Variants in USP6NL observed in about 807,000 individuals in gnomAD.
USP6NL encodes USP6 N-terminal-like protein.
A neutral mutation model predicts 61.9 loss-of-function variants in USP6NL; 26 were observed. That is an observed-to-expected ratio of 0.42 (90% confidence interval 0.31 to 0.58). The LOEUF (loss-of-function observed/expected upper bound fraction) is 0.58. USP6NL is among the 20% of genes least tolerant of loss of function. USP6NL has a pLI of 0.16. For missense variants in USP6NL, 1,114 were observed against 1,034.3 expected (o/e 1.08, Z -1.06); for synonymous variants, 432 against 390.1 (o/e 1.11, Z -1.27).
intron 2 of USP6NL, among the ~76,000 whole-genome samples, chr10:11,559,435 G>A (rs918579523): frequency 6.6e-6 from 1 of 152,024 alleles, no homozygotes; most frequent in East Asian, 1.9e-4. Context: ...GATTCAACAC[G>A]CAAAATTTAC....
At chr10:11,535,820 A>C (rs1591900795) in intron 2 of USP6NL, among the ~76,000 whole-genome samples, 1 of 152,236 alleles carries the variant, frequency 6.6e-6, no homozygotes, top group Non-Finnish European at 1.5e-5. Flanking sequence ...TTATTTTTAA[A>C]TGTTGAAATC....
chr10:11,521,540 C>G (rs999059074), intron 4 of USP6NL, among the ~76,000 whole-genome samples: 1 of 151,798 alleles, frequency 6.6e-6, no homozygotes, highest in African/African-American at 2.4e-5. Context: ...GCCACCACGC[C>G]TGGCTAATTT....
chr10:11,498,772 T>C (rs114569443), intron 7 of USP6NL, among the ~76,000 whole-genome samples: 5 of 152,278 alleles, frequency 3.3e-5, no homozygotes, highest in African/African-American at 9.6e-5. Context: ...CAGCAATCTT[T>C]TTCCTTCCTG....
chr10:11,522,674 T>C (rs1371341225), intron 4 of USP6NL, among the ~76,000 whole-genome samples: 1 of 152,228 alleles, frequency 6.6e-6, no homozygotes, highest in Non-Finnish European at 1.5e-5. Flanking sequence ...CAATCTACTT[T>C]ATTTTTTAAA....
chr10:11,480,514 G>A (rs1423294121), intron 14 of USP6NL, among the ~76,000 whole-genome samples: 1 of 152,174 alleles, frequency 6.6e-6, no homozygotes, highest in Non-Finnish European at 1.5e-5. Flanking sequence ...GAACAGGAGA[G>A]GGCTGACCTC....
chr10:11,608,113 GAAAATGGAACC>G (rs1838766758), intron 1 of USP6NL, among the ~76,000 whole-genome samples: 1 of 152,190 alleles, frequency 6.6e-6, no homozygotes, highest in South Asian at 2.1e-4. Context: ...TCTTCAAAGA[GAAAATGGAACC>G]AAAATGAAAC....
At position 11,465,510 on chromosome 10, in the gene USP6NL, A is replaced by G. The variant is rs1293914580; in HGVS notation, c.1079-1661T>C. ...CCACCAACTTTTTAGCTCACATGAAATAATTTAAAATGTCTTTTAAGATTC... is the reference window on the plus strand; with the variant it reads ...CCACCAACTTTTTAGCTCACATGAAGTAATTTAAAATGTCTTTTAAGATTC... On this transcript the variant is annotated intron_variant, in intron 14 of 14. Coordinates refer to ENST00000609104, the MANE Select transcript of USP6NL (RefSeq NM_014688.5). This position sits in a 1 kb window ranked among gnomAD's most constrained non-coding sequence, Gnocchi z 4.5. Among the ~76,000 whole-genome samples the G allele has an allele frequency of 6.6e-6, 1 of 152,224 alleles. No homozygotes were observed. The highest frequency in any genetic ancestry group is 1.5e-5 in the Non-Finnish European group (1 of 68,046).
In USP6NL at chr10:11,553,763, G is replaced by A. The variant is rs1420385003; in HGVS notation, c.5-26196C>T. Among the ~76,000 whole-genome samples, 1 of 151,974 alleles carries A rather than the reference G, an allele frequency of 6.6e-6. No individual in the cohort carries two copies. The highest frequency in any genetic ancestry group is 2.4e-5 in the African/African-American group (1 of 41,362). ...ATACAAAAATTAGCAAGGCATGGTG[G>A]TGGGCGCCTGTAATCCCAACTACTC... is the stretch of plus-strand genomic sequence containing the variant. On this transcript the variant is annotated intron_variant, in intron 2 of 14. Coordinates refer to ENST00000609104, the MANE Select transcript of USP6NL (RefSeq NM_014688.5). The surrounding 1 kb of genome is among the most constrained non-coding windows in gnomAD (Gnocchi z 4.8).
intron 14 of USP6NL, among the ~76,000 whole-genome samples, chr10:11,466,342 A>C (rs1235718102): frequency 2.0e-5 from 3 of 152,204 alleles, no homozygotes; most frequent in Non-Finnish European, 4.4e-5. Flanking sequence ...TGGCGGTCAC[A>C]CTGTACTGCC....
rs1837924446 is a variant in USP6NL at position 11,585,300 on chromosome 10, A to T, written c.4+12331T>A. ...AAAACAGTATGGCAGTTCCTTGCAA[A>T]ATTAAAAAAAAGAATTACAGTATGA... On this transcript the variant is annotated intron_variant, in intron 2 of 14. Coordinates refer to ENST00000609104, the MANE Select transcript of USP6NL (RefSeq NM_014688.5). The surrounding 1 kb of genome is among the most constrained non-coding windows in gnomAD (Gnocchi z 4.5). Among the ~76,000 whole-genome samples the T allele has an allele frequency of 6.6e-6, 1 of 152,178 alleles. No homozygotes were observed. Among genetic ancestry groups the T allele is most frequent in the Non-Finnish European group, 1.5e-5 (1 of 68,034 alleles).
rs950487760 is a variant in USP6NL at position 11,510,599 on chromosome 10, A to G, written c.196-924T>C. ...CTCGCTCTTCACTTGTTTGGTTTCC[A>G]GGAGAAGGAATATTTTTTCCTAAGT... On this transcript the variant is annotated intron_variant, in intron 5 of 14. Coordinates refer to ENST00000609104, the MANE Select transcript of USP6NL (RefSeq NM_014688.5). This position sits in a 1 kb window ranked among gnomAD's most constrained non-coding sequence, Gnocchi z 4.8. 1.3e-5 allele frequency among the ~76,000 whole-genome samples: 2 copies of G among 151,938 alleles called. No individual in the cohort carries two copies. The highest frequency in any genetic ancestry group is 2.9e-5 in the Non-Finnish European group (2 of 68,020).
At chr10:11,588,555 G>A (rs953925) in intron 2 of USP6NL, among the ~76,000 whole-genome samples, 11,923 of 152,144 alleles carry the variant, frequency 0.078, 674 homozygotes, top group East Asian at 0.16. Flanking sequence ...AGTTGGACTG[G>A]TTGGCAAGGA....
chr10:11,474,684 T>C lies in USP6NL; in HGVS notation c.1078+7086A>G, dbSNP rs1027281827. ...AATAATCCTGTGCATAGAAAATTTG[T>C]CCTTGAATTAATGATTTTTTTTAAA... On this transcript the variant is annotated intron_variant, in intron 14 of 14. Coordinates refer to ENST00000609104, the MANE Select transcript of USP6NL (RefSeq NM_014688.5). This position sits in a 1 kb window ranked among gnomAD's most constrained non-coding sequence, Gnocchi z 4.9. Among the ~76,000 whole-genome samples the C allele has an allele frequency of 1.3e-5, 2 of 152,166 alleles. No individual in the cohort carries two copies. The highest frequency in any genetic ancestry group is 2.4e-5 in the African/African-American group (1 of 41,412).
chr10:11,462,913 C>G lies in USP6NL; in HGVS notation c.2015G>C (p.Gly672Ala). 2 of 1,613,382 alleles carry G rather than the reference C, an allele frequency of 1.2e-6. No individual in the cohort carries two copies. Among genetic ancestry groups the G allele is most frequent in the East Asian group, 4.5e-5 (2 of 44,866 alleles). The change falls in exon 15 of 15, where the codon GGT becomes GCT. Residue 672 changes from glycine (G) to alanine (A), a missense_variant. Transcript: ENST00000609104. ...TQLNPSRRPH[G>A]STLSVSASPE... ...AGAAGCACTGACGGAAAGAGTAGAA[C>G]CATGAGGTCTCCTGGAAGGATTCAG...
In USP6NL at chr10:11,481,969, T is replaced by C. The variant is rs1324366427; in HGVS notation, c.926-47A>G. On this transcript the variant is annotated intron_variant, in intron 13 of 14. Coordinates refer to ENST00000609104, the MANE Select transcript of USP6NL (RefSeq NM_014688.5). The surrounding 1 kb of genome is among the most constrained non-coding windows in gnomAD (Gnocchi z 4.4). ...GAAAATGCCAAGTCAATAGCTACTTTAGGTAGGAAGATATTCTATTATATT... is the reference window on the plus strand; with the variant it reads ...GAAAATGCCAAGTCAATAGCTACTTCAGGTAGGAAGATATTCTATTATATT... 5 of 1,540,140 alleles carry C rather than the reference T, an allele frequency of 3.2e-6. No homozygotes were observed. Among genetic ancestry groups the C allele is most frequent in the Non-Finnish European group, 3.5e-6 (4 of 1,143,652 alleles).
chr10:11,588,508 AT>A (rs1202882146), intron 2 of USP6NL, among the ~76,000 whole-genome samples: 1 of 152,360 alleles, frequency 6.6e-6, no homozygotes, highest in East Asian at 1.9e-4. Flanking sequence ...CAGAAATAAT[AT>A]TTTAAAATAA....
At chr10:11,567,375 G>A (rs137908339) in intron 2 of USP6NL, among the ~76,000 whole-genome samples, 1 of 152,152 alleles carries the variant, frequency 6.6e-6, no homozygotes, top group East Asian at 1.9e-4. Flanking sequence ...TAAACAAAAT[G>A]GACTCATTTT....
chr10:11,577,060 CT>C (rs200482211), intron 2 of USP6NL, among the ~76,000 whole-genome samples: 4,769 of 133,004 alleles, frequency 0.036, 74 homozygotes, highest in African/African-American at 0.039. Context: ...CTTTAGAATT[CT>C]TTTTTTTTTT....
At chr10:11,469,112 T>A (rs74603709) in intron 14 of USP6NL, among the ~76,000 whole-genome samples, 1 of 152,350 alleles carries the variant, frequency 6.6e-6, no homozygotes, top group East Asian at 1.9e-4. Flanking sequence ...GTTCCATTTA[T>A]TGAATGGACA....
Sources: gnomAD v4.1 joint callset for allele counts (sites outside exome capture counted in the v4.1 genomes callset) on GRCh38, gnomAD v4.1.1 for gene constraint, Gnocchi (gnomAD v3.1) non-coding constraint, MANE v1.5 for transcripts, NCBI Gene and HGNC (gene_info 2026-07-23, HGNC 2026-07-21) for gene names.